LRP1B: variants seen among roughly 807,000 people sequenced by gnomAD.
The protein encoded by LRP1B is low-density lipoprotein receptor-related protein 1B.
LRP1B carries 217 observed loss-of-function variants against 556.6 expected under a neutral mutation model. The ratio of observed to expected loss-of-function variants is 0.39; its 90% CI spans 0.35 to 0.44. The LOEUF is 0.44. Among genes scored for constraint, LRP1B ranks in the 20% least tolerant of loss-of-function variants. The pLI is 1.00. For synonymous variants in LRP1B, 2,047 were observed against 1,865.8 expected, an observed-to-expected ratio of 1.10 and a Z score of -2.50; for missense variants, 5,053 against 5,620.8, an observed-to-expected ratio of 0.90 and a Z score of 3.23.
intron 55 of LRP1B, among the ~76,000 whole-genome samples, chr2:140,498,925 T>C (rs1466595752): frequency 2.0e-5 from 3 of 151,918 alleles, no homozygotes; most frequent in Non-Finnish European, 4.4e-5. Flanking sequence ...TTTCCATCAA[T>C]AGGTGTTTTA....
intron 2 of LRP1B, among the ~76,000 whole-genome samples, chr2:141,507,918 T>A (rs1323576488): frequency 3.3e-5 from 5 of 151,610 alleles, no homozygotes; most frequent in Non-Finnish European, 5.9e-5. Flanking sequence ...AAACCCCATC[T>A]GTCTACTAAA....
rs114150131 is a variant in LRP1B, at chr2:141,150,187, T to C, written c.1013+38234A>G. ...TAAGGGACACAGACAGTGACACCAA[T>C]ACGTGGATGAGAACAAACAAAACAA... is the stretch of plus-strand genomic sequence containing the variant. On this transcript the variant is annotated intron_variant, in intron 7 of 90. Transcript: ENST00000389484. Among the ~76,000 whole-genome samples the C allele has an allele frequency of 6.9e-3, 1,046 of 152,278 alleles. 10 individuals are homozygous for C. Among genetic ancestry groups the C allele is most frequent in the African/African-American group, 0.024 (990 of 41,546 alleles).
intron 1 of LRP1B, among the ~76,000 whole-genome samples, chr2:141,905,062 AGAATAATG>A (rs901449381): frequency 6.6e-6 from 1 of 151,882 alleles, no homozygotes; most frequent in African/African-American, 2.4e-5. Flanking sequence ...TTCGGAGATC[AGAATAATG>A]GGAGTCCAGA....
intron 2 of LRP1B, among the ~76,000 whole-genome samples, chr2:141,683,138 C>T (rs760141507): frequency 7.2e-5 from 11 of 152,114 alleles, no homozygotes; most frequent in Non-Finnish European, 1.3e-4. Flanking sequence ...GAACCTAATA[C>T]AGATTTTGGT....
intron 43 of LRP1B, among the ~76,000 whole-genome samples, chr2:140,588,288 CAG>C (rs888988941): frequency 2.6e-5 from 4 of 152,154 alleles, no homozygotes; most frequent in African/African-American, 7.2e-5. Flanking sequence ...ATATTACAAA[CAG>C]GGGAGGCTAA....
intron 43 of LRP1B, among the ~76,000 whole-genome samples, chr2:140,587,644 G>T (rs1437122634): frequency 6.6e-6 from 1 of 152,112 alleles, no homozygotes; most frequent in Non-Finnish European, 1.5e-5. Context: ...ATTAACTTTG[G>T]AGATAAATAG....
intron 35 of LRP1B, among the ~76,000 whole-genome samples, chr2:140,751,729 T>A (rs1407894390): frequency 6.6e-6 from 1 of 152,186 alleles, no homozygotes; most frequent in Non-Finnish European, 1.5e-5. Context: ...AAAAATTTGA[T>A]TTTTCAAGTT....
intron 20 of LRP1B, among the ~76,000 whole-genome samples, chr2:140,928,013 TG>T (rs1198814915): frequency 6.6e-6 from 1 of 152,104 alleles, no homozygotes; most frequent in Non-Finnish European, 1.5e-5. Context: ...CTCAAAGTTC[TG>T]GGATTACAGG....
At chr2:141,380,284 A>C (rs1689589748) in intron 3 of LRP1B, among the ~76,000 whole-genome samples, 1 of 151,860 alleles carries the variant, frequency 6.6e-6, no homozygotes. Context: ...CTACACATCT[A>C]ATATTGCATC....
chr2:142,112,923 G>T (rs1335474967), intron 1 of LRP1B, among the ~76,000 whole-genome samples: 6 of 152,076 alleles, frequency 3.9e-5, no homozygotes, highest in Admixed American at 1.3e-4. Flanking sequence ...ACTCTTTGAA[G>T]TTATTTGTAA....
intron 2 of LRP1B, among the ~76,000 whole-genome samples, chr2:141,768,331 CT>C (rs1173030516): frequency 6.6e-6 from 1 of 151,634 alleles, no homozygotes; most frequent in African/African-American, 2.4e-5. Context: ...GTTCTTGAGC[CT>C]TTTTCTGAAT....
chr2:141,025,465 A>G (rs1698192210), intron 11 of LRP1B, among the ~76,000 whole-genome samples: 1 of 152,090 alleles, frequency 6.6e-6, no homozygotes, highest in African/African-American at 2.4e-5. Context: ...CTGTAAAGGT[A>G]TGTTTTAGAT....
chr2:141,037,937 G>A (rs1226202847), intron 11 of LRP1B, among the ~76,000 whole-genome samples: 2 of 151,384 alleles, frequency 1.3e-5, no homozygotes, highest in East Asian at 3.9e-4. Flanking sequence ...CCCCTCAAGA[G>A]AGTCTATTTT....
At chr2:141,211,795 T>C (rs1326033371) in intron 6 of LRP1B, among the ~76,000 whole-genome samples, 2 of 152,206 alleles carry the variant, frequency 1.3e-5, no homozygotes, top group African/African-American at 2.4e-5. Context: ...AAGGGAATTC[T>C]GAAAATTCTC....
At chr2:141,818,737 C>T (rs1040779480) in intron 1 of LRP1B, among the ~76,000 whole-genome samples, 5 of 150,888 alleles carry the variant, frequency 3.3e-5, no homozygotes, top group African/African-American at 9.7e-5. Context: ...GGGGTTTCAC[C>T]GTGTTAGCCA....
At chr2:141,105,854 A>T (rs1349075447) in intron 7 of LRP1B, among the ~76,000 whole-genome samples, 1 of 152,126 alleles carries the variant, frequency 6.6e-6, no homozygotes, top group African/African-American at 2.4e-5. Context: ...TGGCATTTGT[A>T]TATAAGTATT....
chr2:140,258,748 A>G (rs1421761988), intron 86 of LRP1B, among the ~76,000 whole-genome samples: 2 of 152,158 alleles, frequency 1.3e-5, no homozygotes, highest in Non-Finnish European at 2.9e-5. Flanking sequence ...AAAGAGGTTC[A>G]GAGAAGAACA....
chr2:141,223,501 T>C (rs1311795305), intron 6 of LRP1B, among the ~76,000 whole-genome samples: 2 of 152,166 alleles, frequency 1.3e-5, no homozygotes, highest in African/African-American at 4.8e-5. Flanking sequence ...TAAACTACCA[T>C]TGACATTCTT....
chr2:141,843,918 C>T (rs1307658238), intron 1 of LRP1B, among the ~76,000 whole-genome samples: 1 of 152,092 alleles, frequency 6.6e-6, no homozygotes, highest in African/African-American at 2.4e-5. Context: ...ACCCAGGGAA[C>T]CATAACATCA....
Sources: allele counts gnomAD v4.1 joint callset (sites outside exome capture counted in the v4.1 genomes callset), GRCh38; gene constraint gnomAD v4.1.1; transcripts MANE v1.5; gene names NCBI Gene and HGNC (gene_info 2026-07-23, HGNC 2026-07-21).